The following ZEB1 variants were observed in gnomAD, a reference collection of about 807,000 sequenced individuals.
ZEB1 encodes zinc finger E-box binding homeobox 1.
In ZEB1, 21 loss-of-function variants were observed where a neutral mutation model predicts 84.9. That is an observed-to-expected ratio of 0.25 (90% CI 0.18 to 0.36). ZEB1 has a LOEUF of 0.36. ZEB1 is among the 10% of genes least tolerant of loss of function. The probability of loss-of-function intolerance (pLI) is 1.00; values close to 1 mark genes in which losing one functional copy is unlikely to be tolerated. For missense variants in ZEB1, 1,104 were observed against 1,330.2 expected (o/e 0.83, Z 2.65); for synonymous variants, 420 against 471.1 (o/e 0.89, Z 1.41).
intron 1 of ZEB1, among the ~76,000 whole-genome samples, chr10:31,427,508 C>T (rs2136175030): frequency 6.6e-6 from 1 of 152,186 alleles, no homozygotes; most frequent in Admixed American, 6.5e-5. Flanking sequence ...TGTATTTCTT[C>T]CTCCCTTTCC....
At chr10:31,377,862 C>G (rs971074105) in intron 1 of ZEB1, among the ~76,000 whole-genome samples, 1 of 151,510 alleles carries the variant, frequency 6.6e-6, no homozygotes. Flanking sequence ...TAAATAATGA[C>G]AGCAGTCATT....
chr10:31,380,958 A>G (rs753634768), intron 1 of ZEB1, among the ~76,000 whole-genome samples: 1 of 152,172 alleles, frequency 6.6e-6, no homozygotes, highest in South Asian at 2.1e-4. Flanking sequence ...TATTTGGTCA[A>G]ATACATTATT....
chr10:31,324,582 CGA>C lies in ZEB1; in HGVS notation c.58+5294_58+5295del, dbSNP rs779494535. ...TATGCATTAGTGTGCAAGAGTACAG[CGA>C]GAGGTTAGAAAACTTGAAGCTGTAG... On this transcript the variant is annotated intron_variant, in intron 1 of 8. Transcript: ENST00000424869. Among the ~76,000 whole-genome samples, 33 of 151,954 alleles carry C rather than the reference CGA, an allele frequency of 2.2e-4. No homozygotes were observed. The East Asian group carries it at 6.4e-3, about 29-fold the overall frequency.
At chr10:31,326,131 T>G (rs893995739) in intron 1 of ZEB1, among the ~76,000 whole-genome samples, 1 of 152,154 alleles carries the variant, frequency 6.6e-6, no homozygotes, top group Non-Finnish European at 1.5e-5. Context: ...TTAGGGTCTT[T>G]AAGTAGAAAC....
At chr10:31,447,726 A>C (rs2136897418) in intron 1 of ZEB1, among the ~76,000 whole-genome samples, 1 of 152,042 alleles carries the variant, frequency 6.6e-6, no homozygotes, top group African/African-American at 2.4e-5. Flanking sequence ...TTTCTTTAAG[A>C]ATGTTGAATA....
At chr10:31,434,490 C>T (rs2058070953) in intron 1 of ZEB1, among the ~76,000 whole-genome samples, 1 of 152,236 alleles carries the variant, frequency 6.6e-6, no homozygotes, top group Non-Finnish European at 1.5e-5. Context: ...ATATATTTCA[C>T]AGCAGGATAA....
intron 1 of ZEB1, among the ~76,000 whole-genome samples, chr10:31,372,753 C>G (rs2045939453): frequency 1.3e-5 from 2 of 151,886 alleles, no homozygotes; most frequent in South Asian, 4.1e-4. Flanking sequence ...ATTATATAAT[C>G]TAATACCATT....
chr10:31,481,805 G>T (rs770674970), intron 2 of ZEB1, among the ~76,000 whole-genome samples: 16 of 151,926 alleles, frequency 1.1e-4, no homozygotes, highest in Non-Finnish European at 1.8e-4. Context: ...GAAAATAAAA[G>T]AAATATCCAT....
intron 1 of ZEB1, among the ~76,000 whole-genome samples, chr10:31,426,576 C>T (rs1369126793): frequency 6.6e-6 from 1 of 152,140 alleles, no homozygotes; most frequent in Admixed American, 6.5e-5. Context: ...TTAGGTTTTC[C>T]AACTGGGGAC....
At chr10:31,454,382 A>G (rs1591459621) in intron 1 of ZEB1, among the ~76,000 whole-genome samples, 1 of 152,182 alleles carries the variant, frequency 6.6e-6, no homozygotes. Flanking sequence ...CACCACTCCT[A>G]TTCAACATAG....
chr10:31,492,066 T>C (rs2066607340), intron 2 of ZEB1, among the ~76,000 whole-genome samples: 1 of 151,898 alleles, frequency 6.6e-6, no homozygotes, highest in Non-Finnish European at 1.5e-5. Context: ...CAGCGATGAC[T>C]TACAGAATGA....
intron 1 of ZEB1, chr10:31,387,105 C>T (rs548202294): frequency 1.0e-6 from 1 of 985,764 alleles, no homozygotes; most frequent in East Asian, 1.1e-4. Flanking sequence ...TAATCTTTTA[C>T]TCTTCTCTCC....
intron 3 of ZEB1, among the ~76,000 whole-genome samples, chr10:31,499,005 T>A (rs1032736695): frequency 6.6e-6 from 1 of 152,178 alleles, no homozygotes; most frequent in Non-Finnish European, 1.5e-5. Context: ...TTTTATGTTA[T>A]AACTGAGTTG....
chr10:31,408,891 A>G (rs1338719287), intron 1 of ZEB1, among the ~76,000 whole-genome samples: 1 of 150,560 alleles, frequency 6.6e-6, no homozygotes, highest in Admixed American at 6.6e-5. Context: ...CAAAATTGAC[A>G]AATGGGATCT....
chr10:31,388,443 G>A (rs759802162), intron 1 of ZEB1, among the ~76,000 whole-genome samples: 108 of 152,142 alleles, frequency 7.1e-4, no homozygotes, highest in African/African-American at 2.5e-3. Flanking sequence ...TTTCAAAACC[G>A]TTGTTCTTCC....
intron 1 of ZEB1, among the ~76,000 whole-genome samples, chr10:31,361,889 G>A (rs1171689939): frequency 1.3e-5 from 2 of 149,842 alleles, no homozygotes; most frequent in Non-Finnish European, 3.0e-5. Context: ...ACGGCGGCAA[G>A]GCAGGGGCAC....
chr10:31,344,104 G>C (rs2039875511), intron 1 of ZEB1, among the ~76,000 whole-genome samples: 1 of 152,032 alleles, frequency 6.6e-6, no homozygotes, highest in African/African-American at 2.4e-5. Context: ...TAAATGCAGA[G>C]CAGACTAGAT....
chr10:31,527,233 A>G lies in ZEB1; in HGVS notation c.3347A>G (p.Gln1116Arg), dbSNP rs2073674357. ...LGQKVGESSEQVSEEKTNEA is the reference protein window; with the variant it reads ...LGQKVGESSERVSEEKTNEA Reference sequence around the variant, plus strand: ...CAAAAAGTAGGCGAGAGTAGTGAGCAAGTGTCTGAAGAAAAGACAAATGAA... The same window carrying G: ...CAAAAAGTAGGCGAGAGTAGTGAGCGAGTGTCTGAAGAAAAGACAAATGAA... Residue 1116 changes from glutamine (Q) to arginine (R), a missense_variant, in exon 9 of 9, where the codon CAA becomes CGA. This residue lies in a region of ZEB1 where 173 missense variants were observed against 167.0 expected (regional missense o/e 1.04). Coordinates refer to ENST00000424869, the MANE Select transcript of ZEB1 (RefSeq NM_001174096.2). The G allele has an allele frequency of 1.2e-6, 2 of 1,609,256 alleles. No individual in the cohort carries two copies. The highest frequency in any genetic ancestry group is 4.5e-5 in the East Asian group (2 of 44,432).
At chr10:31,448,719 C>T (rs2060124745) in intron 1 of ZEB1, among the ~76,000 whole-genome samples, 1 of 152,136 alleles carries the variant, frequency 6.6e-6, no homozygotes, top group Admixed American at 6.5e-5. Context: ...CCCAGTTAGG[C>T]TGCTAAGGGG....
Sources: allele counts gnomAD v4.1 joint callset (sites outside exome capture counted in the v4.1 genomes callset), GRCh38; gene constraint gnomAD v4.1.1; regional missense constraint gnomAD v4.1.1; transcripts MANE v1.5; gene names NCBI Gene and HGNC (gene_info 2026-07-23, HGNC 2026-07-21).